Variants in SIRT5 observed in about 807,000 individuals in gnomAD.
SIRT5 encodes NAD-dependent protein deacylase sirtuin-5, mitochondrial.
SIRT5 carries 26 observed loss-of-function variants against 40.0 expected under a neutral mutation model. That is an observed-to-expected ratio of 0.65 (90% CI 0.48 to 0.90). The LOEUF is 0.90. Among genes scored for constraint, SIRT5 ranks in the 40% least tolerant of loss-of-function variants. The pLI is 0.00. For missense variants in SIRT5, 401 were observed against 402.4 expected (o/e 1.00, Z 0.03); for synonymous variants, 146 against 149.1 (o/e 0.98, Z 0.15).
At chr6:13,598,482 G>C (rs931196928) in intron 7 of SIRT5, among the ~76,000 whole-genome samples, 2 of 152,174 alleles carry the variant, frequency 1.3e-5, no homozygotes, top group African/African-American at 4.8e-5. Context: ...AACTGGGAAA[G>C]CTTAGCTGAA....
chr6:13,577,492 G>A (rs1430348696), intron 1 of SIRT5, among the ~76,000 whole-genome samples: 1 of 151,392 alleles, frequency 6.6e-6, no homozygotes, highest in Admixed American at 6.6e-5. Flanking sequence ...ATGTGATTTT[G>A]TATCCTGCAA....
chr6:13,594,017 C>T lies in SIRT5; in HGVS notation c.476-1460C>T, dbSNP rs11965999. On this transcript the variant is annotated intron_variant, in intron 5 of 9. Coordinates refer to ENST00000606117, the MANE Select transcript of SIRT5 (RefSeq NM_012241.5). ...ATTCTCATCCAAGCTCCTGACACAC[C>T]TTCCGCAAGTTCGCTATTGGGCCTG... Among the ~76,000 whole-genome samples the T allele has an allele frequency of 8.3e-3, 1,270 of 152,222 alleles. 10 individuals are homozygous for T. Among genetic ancestry groups the T allele is most frequent in the African/African-American group, 0.029 (1,191 of 41,518 alleles).
chr6:13,599,533 G>A (rs1030683584), intron 8 of SIRT5, among the ~76,000 whole-genome samples: 2 of 152,136 alleles, frequency 1.3e-5, no homozygotes, highest in Admixed American at 6.5e-5. Flanking sequence ...ATTAGAAATC[G>A]CCCATAGTTC....
In SIRT5 at chr6:13,584,121, T is replaced by C; in HGVS notation, c.11T>C (p.Leu4Pro). MRP[L>P]QIVPSRLISQ... ...TACAGACAAACCCTGATGCGACCTC[T>C]CCAGATTGTCCCAAGTCGATTGATT... The change falls in exon 3 of 10, where the codon CTC becomes CCC. Residue 4 changes from leucine (L) to proline (P), a missense_variant. By Grantham distance (98) the Leu-to-Pro change is moderately conservative. Transcript: ENST00000606117. 1 of 1,614,052 alleles carries C rather than the reference T, an allele frequency of 6.2e-7. No individual in the cohort carries two copies. Among genetic ancestry groups the C allele is most frequent in the Non-Finnish European group, 8.5e-7 (1 of 1,179,916 alleles).
intron 3 of SIRT5, among the ~76,000 whole-genome samples, chr6:13,586,725 A>T (rs1760131094): frequency 6.6e-6 from 1 of 151,966 alleles, no homozygotes; most frequent in African/African-American, 2.4e-5. Context: ...GAAGGGGAGG[A>T]GGGGTTGAGC....
intron 9 of SIRT5, among the ~76,000 whole-genome samples, chr6:13,603,137 C>T (rs1303686410): frequency 2.6e-5 from 4 of 151,830 alleles, no homozygotes; most frequent in Non-Finnish European, 5.9e-5. Context: ...ATTAGCCGGG[C>T]GTGGTGGTGG....
At chr6:13,580,091 A>T (rs538776366) in intron 2 of SIRT5, among the ~76,000 whole-genome samples, 1 of 152,314 alleles carries the variant, frequency 6.6e-6, no homozygotes, top group East Asian at 1.9e-4. Flanking sequence ...GGGGCCCATG[A>T]GTCTGTTCAC....
In SIRT5 at chr6:13,612,106, G is replaced by T. The variant is rs199930446; in HGVS notation, c.*241G>T. On this transcript the variant is annotated 3_prime_UTR_variant, in exon 10 of 10. Coordinates refer to ENST00000606117, the MANE Select transcript of SIRT5 (RefSeq NM_012241.5). ...TATTTGGTTTGAACTGAAACGTGAG[G>T]TATCTTTGATGTGTATGGTTGGTTA... 2.8e-6 allele frequency: 1 copy of T among 351,954 alleles called. No homozygotes were observed. Among genetic ancestry groups the T allele is most frequent in the East Asian group, 4.3e-5 (1 of 23,006 alleles). The allele number at this position is 351,954 out of a possible 1,614,324, so 21.8% of individuals were successfully genotyped here.
chr6:13,588,277 G>C (rs1760341109), intron 3 of SIRT5, 54 bp from the exon 4 acceptor site: 1 of 1,575,010 alleles, frequency 6.3e-7, no homozygotes, highest in African/African-American at 1.4e-5. Context: ...AATTGATATG[G>C]GATACAAATG....
intron 1 of SIRT5, among the ~76,000 whole-genome samples, chr6:13,575,417 G>A (rs887496446): frequency 2.0e-5 from 3 of 152,132 alleles, no homozygotes; most frequent in Non-Finnish European, 4.4e-5. Flanking sequence ...AGACACCTGG[G>A]AGTGATGTAT....
chr6:13,598,483 C>G (rs999752856), intron 7 of SIRT5, among the ~76,000 whole-genome samples: 1 of 152,086 alleles, frequency 6.6e-6, no homozygotes, highest in Non-Finnish European at 1.5e-5. Flanking sequence ...ACTGGGAAAG[C>G]TTAGCTGAAA....
At chr6:13,591,570 C>T (rs1760903685) in intron 4 of SIRT5, 99 bp from the exon 5 acceptor site, 2 of 1,003,502 alleles carry the variant, frequency 2.0e-6, no homozygotes. Context: ...CTTCCCGACG[C>T]TGCCTGTCTC....
chr6:13,589,891 T>C (rs1760603770), intron 4 of SIRT5, among the ~76,000 whole-genome samples: 2 of 152,158 alleles, frequency 1.3e-5, no homozygotes, highest in Admixed American at 1.3e-4. Context: ...CAGTAGAATG[T>C]ATTTGACTCC....
chr6:13,606,938 TC>T (rs1763194873), intron 9 of SIRT5, among the ~76,000 whole-genome samples: 1 of 150,918 alleles, frequency 6.6e-6, no homozygotes, highest in Non-Finnish European at 1.5e-5. Flanking sequence ...TGCCTTAGCC[TC>T]CCGAAGTGCT....
intron 3 of SIRT5, among the ~76,000 whole-genome samples, chr6:13,586,097 T>TCAAACAAA (rs1760047744): frequency 6.6e-6 from 1 of 152,198 alleles, no homozygotes; most frequent in Non-Finnish European, 1.5e-5. Context: ...GTTGTGTGTG[T>TCAAACAAA]TTTTCTTGTA....
At chr6:13,593,106 C>G (rs1761146679) in intron 5 of SIRT5, among the ~76,000 whole-genome samples, 1 of 151,808 alleles carries the variant, frequency 6.6e-6, no homozygotes, top group South Asian at 2.1e-4. Context: ...TGGAGAGTGT[C>G]TCACCATGTT....
chr6:13,583,020 A>G (rs1007312469), intron 2 of SIRT5, among the ~76,000 whole-genome samples: 18 of 152,068 alleles, frequency 1.2e-4, no homozygotes, highest in Admixed American at 2.0e-4. Context: ...AGCCTGGCCA[A>G]CATGGTGAAA....
In SIRT5 at chr6:13,600,932, A is replaced by C; in HGVS notation, c.840A>C (p.Pro280=). 1 of 1,613,952 alleles carries C rather than the reference A, an allele frequency of 6.2e-7. No homozygotes were observed. Among genetic ancestry groups the C allele is most frequent in the African/African-American group, 1.3e-5 (1 of 75,028 alleles). The change falls in exon 9 of 10, where the codon CCA becomes CCC. Residue 280 remains proline, a synonymous_variant. Coordinates refer to ENST00000606117, the MANE Select transcript of SIRT5 (RefSeq NM_012241.5). ...PVAEFNTETT[P]ATNRFRFHFQ... ...CTGAATTTAACACGGAGACCACCCCAGCTACGAACAGATTCAGGTACTGGG... is the reference window on the plus strand; with the variant it reads ...CTGAATTTAACACGGAGACCACCCCCGCTACGAACAGATTCAGGTACTGGG...
intron 2 of SIRT5, among the ~76,000 whole-genome samples, chr6:13,580,269 A>G (rs1759165561): frequency 6.6e-6 from 1 of 152,248 alleles, no homozygotes; most frequent in South Asian, 2.1e-4. Flanking sequence ...CAGAAGAGAC[A>G]GGATACATTG....
Sources: allele counts gnomAD v4.1 joint callset (sites outside exome capture counted in the v4.1 genomes callset), GRCh38; gene constraint gnomAD v4.1.1; transcripts MANE v1.5; gene names NCBI Gene and HGNC (gene_info 2026-07-23, HGNC 2026-07-21).